The following LCORL variants were observed in gnomAD, a reference collection of about 807,000 sequenced individuals.
The protein encoded by LCORL is ligand dependent nuclear receptor corepressor like.
Under a neutral mutation model 141.8 loss-of-function variants are expected in LCORL, and 41 were observed. That is an observed-to-expected ratio of 0.29 (90% CI 0.23 to 0.38). The LOEUF (loss-of-function observed/expected upper bound fraction) is 0.38, where lower values mean the gene tolerates loss of function less well. Among genes scored for constraint, LCORL ranks in the 10% least tolerant of loss-of-function variants. The pLI, the probability that LCORL is intolerant of heterozygous loss-of-function variation, is 1.00. For synonymous variants in LCORL, 618 were observed against 694.1 expected (o/e 0.89, Z 1.72); for missense variants, 1,759 against 2,035.0 (o/e 0.86, Z 2.61).
At chr4:17,965,491 G>A (rs34588175) in intron 2 of LCORL, among the ~76,000 whole-genome samples, 36,145 of 152,054 alleles carry the variant, frequency 0.24, 5,490 homozygotes, top group African/African-American at 0.43. Flanking sequence ...AAACTCAAAA[G>A]AGGTTAAATT....
intron 1 of LCORL, among the ~76,000 whole-genome samples, chr4:18,006,282 G>A (rs998939038): frequency 2.0e-5 from 3 of 152,016 alleles, no homozygotes; most frequent in Non-Finnish European, 2.9e-5. Flanking sequence ...ACCTCAGCTT[G>A]GATCTTATTG....
intron 5 of LCORL, among the ~76,000 whole-genome samples, chr4:17,897,222 T>C (rs1577356762): frequency 6.9e-5 from 7 of 102,066 alleles, no homozygotes; most frequent in African/African-American, 1.1e-4. Flanking sequence ...TCTTTTTTTT[T>C]TTTTTTTTTT....
chr4:17,949,860 G>A (rs540922618), intron 4 of LCORL, among the ~76,000 whole-genome samples: 59 of 152,252 alleles, frequency 3.9e-4, no homozygotes, highest in African/African-American at 1.3e-3. Context: ...CATAATTTGA[G>A]GATCACAGTT....
At chr4:17,938,417 C>CTT (rs71651867) in intron 4 of LCORL, among the ~76,000 whole-genome samples, 1 of 123,470 alleles carries the variant, frequency 8.1e-6, no homozygotes, top group Non-Finnish European at 1.8e-5. Context: ...CTGTTTCTTT[C>CTT]TTTTTTTTTT....
intron 4 of LCORL, among the ~76,000 whole-genome samples, chr4:17,961,023 A>T (rs1193953763): frequency 6.6e-6 from 1 of 152,154 alleles, no homozygotes; most frequent in Non-Finnish European, 1.5e-5. Context: ...AACATTATTG[A>T]TTTAAACATG....
At position 17,908,476 on chromosome 4, in the gene LCORL, T is replaced by C. The variant is rs188847686; in HGVS notation, c.682+618A>G. Among the ~76,000 whole-genome samples, 349 of 152,358 alleles carry C rather than the reference T, an allele frequency of 2.3e-3. 1 individual carries two copies. The highest frequency in any genetic ancestry group is 4.2e-3 in the Non-Finnish European group (284 of 68,028). On this transcript the variant is annotated intron_variant, in intron 5 of 7. Transcript: ENST00000635767. ...AACAAAAGCTACCTAAATTGTCCTT[T>C]GTTCTGATAAACACTTAAGTCCTTC...
intron 1 of LCORL, among the ~76,000 whole-genome samples, chr4:18,012,286 TA>T (rs979135359): frequency 3.2e-4 from 48 of 152,310 alleles, no homozygotes; most frequent in African/African-American, 1.0e-3. Flanking sequence ...GTAAACTCAC[TA>T]GGGTACAGCT....
chr4:17,877,555 G>C (rs1325740986), exon 7 of LCORL: 11 of 1,230,572 alleles, frequency 8.9e-6, no homozygotes, highest in Non-Finnish European at 1.1e-5. Context: ...GCTGGTGTGA[G>C]AGATGGAGGC....
intron 4 of LCORL, 98 bp from the exon 5 acceptor site, chr4:17,909,443 CT>C: frequency 1.2e-6 from 1 of 830,268 alleles, no homozygotes; most frequent in Non-Finnish European, 1.8e-6. Context: ...CTTCAGAAGT[CT>C]TTTAGCATCA....
chr4:17,978,329 C>A (rs142778763), intron 1 of LCORL, among the ~76,000 whole-genome samples: 1 of 152,136 alleles, frequency 6.6e-6, no homozygotes, highest in East Asian at 1.9e-4. Context: ...GGCACAGTGG[C>A]TCATGCCTGT....
At chr4:17,874,667 A>G in exon 7 of LCORL, 3 of 1,233,728 alleles carry the variant, frequency 2.4e-6, no homozygotes, top group East Asian at 3.2e-5. Flanking sequence ...GCTCAAATCT[A>G]TTGTTTAATT....
intron 4 of LCORL, among the ~76,000 whole-genome samples, chr4:17,938,542 G>A (rs775284661): frequency 6.7e-6 from 1 of 150,280 alleles, no homozygotes; most frequent in Non-Finnish European, 1.5e-5. Context: ...TCAGCCTCCC[G>A]AGTAGCTGAG....
chr4:17,896,243 A>C (rs1729900681), intron 5 of LCORL, among the ~76,000 whole-genome samples: 1 of 151,964 alleles, frequency 6.6e-6, no homozygotes, highest in Non-Finnish European at 1.5e-5. Context: ...ATGTGAAACA[A>C]TGTCTTTCTT....
chr4:17,904,040 C>T (rs1461725572), intron 5 of LCORL, among the ~76,000 whole-genome samples: 1 of 151,792 alleles, frequency 6.6e-6, no homozygotes, highest in African/African-American at 2.4e-5. Flanking sequence ...TAAAGTAAAA[C>T]GCTGTTGCAG....
At chr4:18,001,849 A>T (rs964203865) in intron 1 of LCORL, among the ~76,000 whole-genome samples, 1 of 152,084 alleles carries the variant, frequency 6.6e-6, no homozygotes. Flanking sequence ...AATAAAACAA[A>T]TTTTTTTTAA....
chr4:17,949,521 G>A (rs190101391), intron 4 of LCORL, among the ~76,000 whole-genome samples: 219 of 152,078 alleles, frequency 1.4e-3, no homozygotes, highest in Admixed American at 3.1e-3. Flanking sequence ...CCTTAACATG[G>A]CCAAAGTTAG....
intron 6 of LCORL, chr4:17,880,936 A>G (rs1560282887): frequency 1.0e-6 from 1 of 979,166 alleles, no homozygotes; most frequent in Non-Finnish European, 1.2e-6. Context: ...ATCTGTCAAA[A>G]TCAAGGCAGC....
intron 2 of LCORL, among the ~76,000 whole-genome samples, chr4:17,966,384 C>T (rs1560415911): frequency 6.6e-6 from 1 of 152,050 alleles, no homozygotes; most frequent in South Asian, 2.1e-4. Context: ...GAACATCATG[C>T]TCACAAATTT....
rs547260675 is a variant in LCORL, at chr4:17,876,191, G to C, written c.2799C>G (p.Arg933=). Residue 933 remains arginine, a synonymous_variant, in exon 7 of 8, where the codon CGC becomes CGG. Coordinates refer to ENST00000635767, the Ensembl canonical transcript of LCORL. ...GTACATTTTCAACACTGGAAATCAA[G>C]CGACCCATATCTAAAATAGATGACT... The C allele has an allele frequency of 8.1e-6, 10 of 1,230,998 alleles. No individual in the cohort carries two copies. In the South Asian group the frequency reaches 3.3e-4, roughly 41 times the overall value. The allele number at this position is 1,230,998 out of a possible 1,614,324, so 76.3% of individuals were successfully genotyped here. A position where few individuals can be genotyped will look rare whatever the true frequency, so the allele number is the denominator to read the frequency against.
Sources: allele counts gnomAD v4.1 joint callset (sites outside exome capture counted in the v4.1 genomes callset), GRCh38; gene constraint gnomAD v4.1.1; transcripts MANE v1.5; gene names NCBI Gene and HGNC (gene_info 2026-07-23, HGNC 2026-07-21).